The following PRKCQ variants were observed in gnomAD, a reference collection of about 807,000 sequenced individuals.
The protein encoded by PRKCQ is protein kinase C theta type.
In PRKCQ, 41 loss-of-function variants were observed where a neutral mutation model predicts 91.2. That is an observed-to-expected ratio of 0.45 (90% CI 0.35 to 0.58). PRKCQ has a LOEUF of 0.58. Among genes scored for constraint, PRKCQ ranks in the 20% least tolerant of loss-of-function variants. PRKCQ has a pLI of 0.00. For synonymous variants in PRKCQ, 307 were observed against 316.9 expected (o/e 0.97, Z 0.33); for missense variants, 673 against 896.5 (o/e 0.75, Z 3.18).
chr10:6,477,987 G>A (rs752292071), intron 12 of PRKCQ, among the ~76,000 whole-genome samples: 4 of 152,338 alleles, frequency 2.6e-5, no homozygotes, highest in East Asian at 1.9e-4. Flanking sequence ...TAATTAGTGC[G>A]GGTGGTGGAC....
At position 6,465,128 on chromosome 10, in the gene PRKCQ, C is replaced by T. The variant is rs954378336; in HGVS notation, c.1354-724G>A. On this transcript the variant is annotated intron_variant, in intron 12 of 17. Coordinates refer to ENST00000263125, the MANE Select transcript of PRKCQ (RefSeq NM_006257.5). This position sits in a 1 kb window ranked among gnomAD's most constrained non-coding sequence, Gnocchi z 4.4. The stretch of plus-strand genomic sequence containing the variant: ...GTGTTTTGGTCTCTGACTCCAAGGG[C>T]GGAGCTTGAAAACATTCATTCACTC... Among the ~76,000 whole-genome samples the T allele has an allele frequency of 2.6e-5, 4 of 152,098 alleles. No homozygotes were observed. Among genetic ancestry groups the T allele is most frequent in the African/African-American group, 4.8e-5 (2 of 41,414 alleles).
At chr10:6,452,558 A>AT (rs1834753872) in intron 15 of PRKCQ, among the ~76,000 whole-genome samples, 1 of 150,474 alleles carries the variant, frequency 6.6e-6, no homozygotes, top group Non-Finnish European at 1.5e-5. Context: ...TCTTCACAGA[A>AT]TTGGAAAAAA....
chr10:6,475,224 G>A (rs541555317), intron 12 of PRKCQ, among the ~76,000 whole-genome samples: 19 of 152,226 alleles, frequency 1.2e-4, no homozygotes, highest in African/African-American at 4.3e-4. Flanking sequence ...GTCCCCAGAC[G>A]GTGCCGTCCC....
rs1184682677 is a variant in PRKCQ, at chr10:6,511,020, T to C, written c.293A>G (p.Lys98Arg). The C allele has an allele frequency of 4.3e-6, 7 of 1,614,034 alleles. No homozygotes were observed. Among genetic ancestry groups the C allele is most frequent in the Non-Finnish European group, 5.1e-6 (6 of 1,180,018 alleles). The change falls in exon 3 of 18, where the codon AAG becomes AGG. Residue 98 changes from lysine to arginine, a missense_variant. Transcript: ENST00000263125. ...ELYSLAERCR[K>R]NNGKTEIWLE... The stretch of plus-strand genomic sequence containing the variant: ...CCATATTTCTGTCTTCCCGTTGTTC[T>C]TCCTGCACCTCTCAGCCAGCGAGTA...
At chr10:6,524,064 C>T (rs72783703) in intron 1 of PRKCQ, among the ~76,000 whole-genome samples, 8,661 of 152,226 alleles carry the variant, frequency 0.057, 337 homozygotes, top group Middle Eastern at 0.17. Flanking sequence ...GCTCTGTTCA[C>T]GCCATTCCTT....
chr10:6,448,853 C>G (rs1237831186), intron 15 of PRKCQ, among the ~76,000 whole-genome samples: 1 of 152,162 alleles, frequency 6.6e-6, no homozygotes, highest in Non-Finnish European at 1.5e-5. Context: ...CAAACTCCAA[C>G]AGACCTGCAG....
the PRKCQ span, among the ~76,000 whole-genome samples, chr10:6,398,047 C>CT: frequency 6.6e-6 from 1 of 152,184 alleles, no homozygotes; most frequent in Admixed American, 6.5e-5. Context: ...TTTTGAGCTG[C>CT]TTTTTGTGCA....
In PRKCQ at chr10:6,559,745, T is replaced by C. The variant is rs111444288; in HGVS notation, c.-10+20466A>G. Among the ~76,000 whole-genome samples the C allele has an allele frequency of 2.9e-3, 445 of 152,340 alleles. 6 individuals are homozygous for C. Among genetic ancestry groups the C allele is most frequent in the African/African-American group, 9.9e-3 (412 of 41,578 alleles). On this transcript the variant is annotated intron_variant, in intron 1 of 17. Transcript: ENST00000263125. ...CACTCTCCATCAAAAAAGGAAACATTTAATAATCTAAAAACAGGCCAGGTT... is the reference window on the plus strand; with the variant it reads ...CACTCTCCATCAAAAAAGGAAACATCTAATAATCTAAAAACAGGCCAGGTT...
chr10:6,551,363 C>T (rs571159751), intron 1 of PRKCQ, among the ~76,000 whole-genome samples: 3 of 151,842 alleles, frequency 2.0e-5, no homozygotes, highest in African/African-American at 7.2e-5. Flanking sequence ...CATAGTATTC[C>T]ATGGTGCATA....
Position 6,491,940 on chromosome 10 carries a change from AT to A in PRKCQ, c.661-129del, listed in dbSNP as rs1166621547. The A allele has an allele frequency of 3.0e-6, 4 of 1,332,120 alleles. No individual in the cohort carries two copies. In the African/African-American group the frequency reaches 5.8e-5, roughly 19 times the overall value. 82.5% of individuals were successfully genotyped at this position (1,332,120 alleles called of 1,614,324 possible). A position where few individuals can be genotyped will look rare whatever the true frequency, so the allele number is the denominator to read the frequency against. ...ACTGGCATTGTGTGCATTTTAAACC[AT>A]CATTGTCACTTGTCAAGCCCTACAG... On this transcript the variant is annotated intron_variant, in intron 7 of 17. Transcript: ENST00000263125.
chr10:6,491,956 A>C, intron 7 of PRKCQ, 144 bp from the exon 8 acceptor site: 1 of 1,271,792 alleles, frequency 7.9e-7, no homozygotes. Flanking sequence ...GTCACTTGTC[A>C]AGCCCTACAG....
intron 1 of PRKCQ, among the ~76,000 whole-genome samples, chr10:6,561,275 G>A (rs1228487470): frequency 6.6e-6 from 1 of 150,708 alleles, no homozygotes; most frequent in African/African-American, 2.5e-5. Flanking sequence ...AGGAGGCTGA[G>A]GTGGGAGGAT....
chr10:6,575,663 G>T (rs941175923), intron 1 of PRKCQ, among the ~76,000 whole-genome samples: 2 of 152,206 alleles, frequency 1.3e-5, no homozygotes, highest in African/African-American at 4.8e-5. Flanking sequence ...TCAGCCCAGA[G>T]ATCCCTGCCA....
At chr10:6,441,653 G>C (rs1048702715) in intron 16 of PRKCQ, among the ~76,000 whole-genome samples, 1 of 152,134 alleles carries the variant, frequency 6.6e-6, no homozygotes, top group African/African-American at 2.4e-5. Flanking sequence ...TCATGGAACT[G>C]GTTCCTGGGC....
chr10:6,577,785 G>A (rs148327596), intron 1 of PRKCQ, among the ~76,000 whole-genome samples: 183 of 152,210 alleles, frequency 1.2e-3, no homozygotes, highest in African/African-American at 4.2e-3. Flanking sequence ...ATTAAAAACA[G>A]GAAGTACTAA....
At position 6,448,933 on chromosome 10, in the gene PRKCQ, A is replaced by G. The variant is rs1471130718; in HGVS notation, c.1648-6852T>C. 4.6e-5 allele frequency among the ~76,000 whole-genome samples: 7 copies of G among 152,250 alleles called. No individual in the cohort carries two copies. The East Asian group carries it at 1.4e-3, about 30-fold the overall frequency. Reference sequence around the variant, plus strand: ...ACATCCACACCAAAAACCCATCTGTACATCACCATCATCAAAGACCAAAAG... The same window carrying G: ...ACATCCACACCAAAAACCCATCTGTGCATCACCATCATCAAAGACCAAAAG... On this transcript the variant is annotated intron_variant, in intron 15 of 17. Transcript: ENST00000263125.
intron 12 of PRKCQ, among the ~76,000 whole-genome samples, chr10:6,467,480 T>G (rs1206032803): frequency 3.3e-5 from 5 of 151,500 alleles, no homozygotes; most frequent in African/African-American, 4.9e-5. Context: ...TTGGGTTAAT[T>G]GTAAATGTCA....
intron 1 of PRKCQ, among the ~76,000 whole-genome samples, chr10:6,534,392 C>A (rs959085939): frequency 1.3e-5 from 2 of 152,120 alleles, no homozygotes; most frequent in African/African-American, 4.8e-5. Flanking sequence ...TCTTAATATC[C>A]TTCCCCAGTA....
intron 14 of PRKCQ, 40 bp downstream of exon 14, chr10:6,462,263 G>C (rs369885933): frequency 1.3e-6 from 2 of 1,560,314 alleles, no homozygotes; most frequent in Non-Finnish European, 1.8e-6. Flanking sequence ...AGCCAGGAAA[G>C]CCGATATCTT....
Sources: gnomAD v4.1 joint callset for allele counts (sites outside exome capture counted in the v4.1 genomes callset) on GRCh38, gnomAD v4.1.1 for gene constraint, Gnocchi (gnomAD v3.1) non-coding constraint, MANE v1.5 for transcripts, NCBI Gene and HGNC (gene_info 2026-07-23, HGNC 2026-07-21) for gene names.